The following SLFN12 variants were observed in gnomAD, a reference collection of about 807,000 sequenced individuals.
SLFN12 encodes schlafen family member 12.
SLFN12 carries 25 observed loss-of-function variants against 29.1 expected under a neutral mutation model. That is an observed-to-expected ratio of 0.86 (90% CI 0.63 to 1.20). The LOEUF (loss-of-function observed/expected upper bound fraction) is 1.20. SLFN12 is among the 50% of genes most tolerant of loss of function. The pLI is 0.00. For missense variants in SLFN12, 660 were observed against 666.2 expected (o/e 0.99, Z 0.10); for synonymous variants, 257 against 238.7 (o/e 1.08, Z -0.71).
At chr17:35,429,150 T>A (rs1912172253) in intron 1 of SLFN12, among the ~76,000 whole-genome samples, 1 of 152,092 alleles carries the variant, frequency 6.6e-6, no homozygotes, top group Non-Finnish European at 1.5e-5. Flanking sequence ...CTGGGCTCTG[T>A]GTAAACTTTT....
intron 1 of SLFN12, among the ~76,000 whole-genome samples, chr17:35,430,184 C>T (rs1912231745): frequency 6.6e-6 from 1 of 152,078 alleles, no homozygotes; most frequent in Non-Finnish European, 1.5e-5. Flanking sequence ...TTAGAAGTTG[C>T]TACAGAGACA....
Position 35,422,078 on chromosome 17 carries a change from T to C in SLFN12, c.951A>G (p.Lys317=). The change falls in exon 2 of 4, where the codon AAA becomes AAG. Residue 317 remains lysine, a synonymous_variant. Transcript: ENST00000304905. ...CTTTCACATGCCAGGAATCAGGCTC[T>C]TTAGCAAACACTGCACAGCAGAAGC... The part of the protein sequence containing the change: ...VERFCCAVFA[K]EPDSWHVKDN... 1.2e-6 allele frequency: 2 copies of C among 1,614,114 alleles called. No homozygotes were observed. The highest frequency in any genetic ancestry group is 2.2e-5 in the South Asian group (2 of 91,086).
intron 1 of SLFN12, among the ~76,000 whole-genome samples, chr17:35,424,526 AG>A (rs1231009655): frequency 6.6e-6 from 1 of 152,182 alleles, no homozygotes; most frequent in Non-Finnish European, 1.5e-5. Context: ...TAACTTAAGA[AG>A]TGTAGGTTTT....
intron 3 of SLFN12, among the ~76,000 whole-genome samples, chr17:35,418,331 C>G (rs922566788): frequency 6.6e-6 from 1 of 152,242 alleles, no homozygotes; most frequent in East Asian, 1.9e-4. Flanking sequence ...GGTCCACTTA[C>G]GCCAAGATCT....
At chr17:35,423,153 C>T in intron 1 of SLFN12, 85 bp from the exon 2 acceptor site, 1 of 1,440,088 alleles carries the variant, frequency 6.9e-7, no homozygotes, top group Non-Finnish European at 9.2e-7. Flanking sequence ...CAAAAAAATC[C>T]TGTGCTGTAT....
upstream of SLFN12, among the ~76,000 whole-genome samples, chr17:35,432,730 C>T (rs142633358): frequency 7.2e-4 from 109 of 152,246 alleles, no homozygotes; most frequent in African/African-American, 2.4e-3. Flanking sequence ...TTCCTCCAGA[C>T]CCTTATTCTC....
chr17:35,413,897 A>G (rs1338810048), intron 3 of SLFN12, among the ~76,000 whole-genome samples: 1 of 152,108 alleles, frequency 6.6e-6, no homozygotes, highest in Admixed American at 6.5e-5. Context: ...GCTCATATTA[A>G]CGGATACAGA....
chr17:35,418,103 G>T lies in SLFN12; in HGVS notation c.1147+2171C>A, dbSNP rs1911421468. On this transcript the variant is annotated intron_variant, in intron 3 of 3. Transcript: ENST00000304905. The stretch of plus-strand genomic sequence containing the variant: ...CAAAAGTTTTTTTGGCATTTAAGCA[G>T]ATTCTAAAGTGTGTATAGAAGATTA... 1.3e-5 allele frequency among the ~76,000 whole-genome samples: 2 copies of T among 152,036 alleles called. 1 individual carries two copies. Among genetic ancestry groups the T allele is most frequent in the South Asian group, 4.1e-4 (2 of 4,828 alleles).
At chr17:35,428,152 CAGAG>C (rs1336987244) in intron 1 of SLFN12, among the ~76,000 whole-genome samples, 3 of 152,026 alleles carry the variant, frequency 2.0e-5, no homozygotes, top group Non-Finnish European at 4.4e-5. Context: ...TATGTACACA[CAGAG>C]AGAGACAGAA....
intron 2 of SLFN12, 132 bp downstream of exon 2, chr17:35,421,858 T>C: frequency 7.9e-7 from 1 of 1,263,408 alleles, no homozygotes; most frequent in Non-Finnish European, 1.1e-6. Context: ...GAACTATTGA[T>C]TGTATCCACC....
intron 3 of SLFN12, among the ~76,000 whole-genome samples, chr17:35,414,900 A>G (rs1211032059): frequency 6.6e-6 from 1 of 152,192 alleles, no homozygotes; most frequent in Non-Finnish European, 1.5e-5. Flanking sequence ...TCCCATGTTC[A>G]TGGATAGGTA....
intron 3 of SLFN12, among the ~76,000 whole-genome samples, chr17:35,415,352 C>G (rs1911254057): frequency 6.6e-6 from 1 of 152,044 alleles, no homozygotes; most frequent in South Asian, 2.1e-4. Flanking sequence ...TCACCTTATA[C>G]AAAAACCAAC....
chr17:35,420,196 A>C (rs1383146625), intron 3 of SLFN12, 78 bp downstream of exon 3: 3 of 1,028,068 alleles, frequency 2.9e-6, no homozygotes, highest in African/African-American at 3.3e-5. Flanking sequence ...AGCAAATTTC[A>C]AGACTGAGCT....
chr17:35,413,378 A>G (rs1410822154), intron 3 of SLFN12, among the ~76,000 whole-genome samples: 2 of 152,094 alleles, frequency 1.3e-5, no homozygotes, highest in African/African-American at 4.8e-5. Flanking sequence ...AGAAAGTTAC[A>G]GGCCAATATC....
At chr17:35,428,162 C>G (rs1912114624) in intron 1 of SLFN12, among the ~76,000 whole-genome samples, 1 of 152,042 alleles carries the variant, frequency 6.6e-6, no homozygotes, top group Non-Finnish European at 1.5e-5. Flanking sequence ...CAGAGAGAGA[C>G]AGAAGTTTGT....
chr17:35,417,644 G>T (rs959618654), intron 3 of SLFN12, among the ~76,000 whole-genome samples: 2 of 150,948 alleles, frequency 1.3e-5, no homozygotes, highest in African/African-American at 4.9e-5. Flanking sequence ...ATTAGGACAA[G>T]AAAAAAAGAC....
rs192511811 is a variant in SLFN12 at position 35,423,010 on chromosome 17, A to C, written c.19T>G (p.Leu7Val). The C allele has an allele frequency of 2.5e-5, 41 of 1,611,368 alleles. No homozygotes were observed. The highest frequency in any genetic ancestry group is 1.8e-4 in the Admixed American group (11 of 59,920). ...ACCAACTCGGCATAATTCGTTTCCA[A>C]ATCAACACTGATGTTCATTTTCCCA... Reference protein sequence around the residue: MNISVDLETNYAELVLD... With the variant: MNISVDVETNYAELVLD... The change falls in exon 2 of 4, where the codon TTG becomes GTG. Residue 7 changes from leucine to valine, a missense_variant. Coordinates refer to ENST00000304905, the MANE Select transcript of SLFN12 (RefSeq NM_018042.5).
At position 35,411,720 on chromosome 17, in the gene SLFN12, G is replaced by A; in HGVS notation, c.1355C>T (p.Pro452Leu). The A allele has an allele frequency of 6.2e-7, 1 of 1,613,990 alleles. No homozygotes were observed. The highest frequency in any genetic ancestry group is 1.3e-5 in the African/African-American group (1 of 75,030). The change falls in exon 4 of 4, where the codon CCT (proline) becomes CTT (leucine). Residue 452 changes from proline to leucine, a missense_variant. Pro to Leu is a moderately conservative substitution (Grantham distance 98). Transcript: ENST00000304905. ...CATGTGGAAGGTGTATAGGACTGGA[G>A]GACTGTCCTGGGAAATCAGAAGAGC... Reference protein sequence around the residue: ...CDALLISQDSPPVLYTFHMVQ... With the variant: ...CDALLISQDSLPVLYTFHMVQ...
At chr17:35,428,208 C>T (rs1912116596) in intron 1 of SLFN12, among the ~76,000 whole-genome samples, 1 of 152,088 alleles carries the variant, frequency 6.6e-6, no homozygotes, top group African/African-American at 2.4e-5. Context: ...ACAAAAACTT[C>T]AAAGATTTTG....
Sources: gnomAD v4.1 joint callset for allele counts (sites outside exome capture counted in the v4.1 genomes callset) on GRCh38, gnomAD v4.1.1 for gene constraint, MANE v1.5 for transcripts, NCBI Gene and HGNC (gene_info 2026-07-23, HGNC 2026-07-21) for gene names.